The following RGPD1 variants were observed in gnomAD, a reference collection of about 807,000 sequenced individuals.
RGPD1 encodes RANBP2-like and GRIP domain-containing protein 1.
A neutral mutation model predicts 40.6 loss-of-function variants in RGPD1; 7 were observed. The observed-to-expected ratio is 0.17, with a 90% CI of 0.10 to 0.32. The LOEUF is 0.32. Ranked by LOEUF, RGPD1 falls within the 10% of genes least tolerant of loss-of-function variation. RGPD1 has a pLI of 1.00. For missense variants in RGPD1, 50 were observed against 472.5 expected (o/e 0.11, Z 8.29); for synonymous variants, 24 against 167.0 (o/e 0.14, Z 6.60).
Position 86,974,260 on chromosome 2 carries a change from CAA to C in RGPD1, c.1455+8_1455+9del. On this transcript the variant is annotated splice_region_variant and intron_variant, in intron 10 of 22. Transcript: ENST00000641458. ...TATGTATTTTAGATCTTGAAGTAAG[CAA>C]AGATTTTAACAAATTAAATATTCTG... 7.5e-7 allele frequency: 1 copy of C among 1,330,928 alleles called. No homozygotes were observed. The highest frequency in any genetic ancestry group is 1.0e-6 in the Non-Finnish European group (1 of 974,368). 82.4% of individuals were successfully genotyped at this position (1,330,928 alleles called of 1,614,324 possible).
At chr2:86,942,466 C>CCGGCCTCGACCTGGCCGAGCGGCGGCGG (rs1679900588) in intron 1 of RGPD1, among the ~76,000 whole-genome samples, 158 bp downstream of exon 1, 11 of 53,612 alleles carry the variant, frequency 2.1e-4, no homozygotes, top group Non-Finnish European at 8.9e-5. Context: ...TGTTGAGGCG[C>CCGGCCTCGACCTGGCCGAGCGGCGGCGG]CGGCCTCGAC....
chr2:86,933,140 TATA>T (rs1456898182), intron 1 of RGPD1, among the ~76,000 whole-genome samples: 1 of 149,554 alleles, frequency 6.7e-6, no homozygotes, highest in Non-Finnish European at 1.5e-5. Context: ...TATACACATA[TATA>T]ATATCTGGAG....
chr2:86,923,608 T>C (rs1335191975), intron 1 of RGPD1, among the ~76,000 whole-genome samples: 2 of 143,828 alleles, frequency 1.4e-5, no homozygotes, highest in African/African-American at 5.2e-5. Context: ...GGGTTGAAGC[T>C]ATTCTCCTGC....
intron 1 of RGPD1, among the ~76,000 whole-genome samples, chr2:86,915,406 TAA>T (rs1251677845): frequency 6.9e-6 from 1 of 145,296 alleles, no homozygotes; most frequent in Non-Finnish European, 1.5e-5. Context: ...CCTTGCCTTC[TAA>T]AAGGTATTTC....
rs1388072505 is a variant in RGPD1 at position 86,914,315 on chromosome 2, G to T, written c.72+394G>T. On this transcript the variant is annotated intron_variant, in intron 1 of 22. Transcript: ENST00000398193. ...GGCGGCGGCGGCGGCGGCGGCGGCGGCGGCCTCGGCCTGGCCGGGCGGCGG... is the reference window on the plus strand; with the variant it reads ...GGCGGCGGCGGCGGCGGCGGCGGCGTCGGCCTCGGCCTGGCCGGGCGGCGG... 1.3e-3 allele frequency among the ~76,000 whole-genome samples: 74 copies of T among 57,690 alleles called. 4 individuals are homozygous for T. The highest frequency in any genetic ancestry group is 1.8e-3 in the Non-Finnish European group (55 of 29,830). The allele number at this position is 57,690 out of a possible 152,430, so 37.8% of individuals were successfully genotyped here. A position where few individuals can be genotyped will look rare whatever the true frequency, so the allele number is the denominator to read the frequency against.
At chr2:86,943,520 T>A (rs1680084668) in intron 1 of RGPD1, among the ~76,000 whole-genome samples, 1 of 152,034 alleles carries the variant, frequency 6.6e-6, no homozygotes, top group African/African-American at 2.4e-5. Context: ...GAATCTTGAG[T>A]CAGTTTGCTT....
intron 1 of RGPD1, among the ~76,000 whole-genome samples, chr2:86,925,104 A>G (rs1246748730): frequency 7.9e-5 from 12 of 152,228 alleles, no homozygotes; most frequent in Non-Finnish European, 1.3e-4. Context: ...TCAAATCTTT[A>G]TCAACTTGTA....
intron 1 of RGPD1, among the ~76,000 whole-genome samples, chr2:86,942,906 C>T (rs192856615): frequency 2.0e-4 from 30 of 152,094 alleles, no homozygotes; most frequent in African/African-American, 6.7e-4. Context: ...GGTTTGTTCC[C>T]GACGGTGCTC....
At chr2:86,926,017 C>G (rs1179245592) in intron 1 of RGPD1, among the ~76,000 whole-genome samples, 1 of 152,216 alleles carries the variant, frequency 6.6e-6, no homozygotes, top group Non-Finnish European at 1.5e-5. Context: ...TATAAAAATA[C>G]TTGTAAATAA....
At chr2:86,944,965 C>T (rs1288650722) in intron 1 of RGPD1, among the ~76,000 whole-genome samples, 8 of 151,708 alleles carry the variant, frequency 5.3e-5, no homozygotes, top group South Asian at 4.2e-4. Flanking sequence ...GTGATCCTCT[C>T]GCCTTGGCCA....
chr2:87,008,937 C>T (rs1191954968), intron 22 of RGPD1, among the ~76,000 whole-genome samples: 3 of 136,232 alleles, frequency 2.2e-5, no homozygotes, highest in Non-Finnish European at 4.7e-5. Flanking sequence ...AAAAACAGAA[C>T]AAGAGTCAAG....
At chr2:86,923,191 A>AC (rs1236792439) in intron 1 of RGPD1, among the ~76,000 whole-genome samples, 1 of 149,762 alleles carries the variant, frequency 6.7e-6, no homozygotes, top group Non-Finnish European at 1.5e-5. Flanking sequence ...GGCGCCCGCC[A>AC]CCATGCCCGG....
intron 6 of RGPD1, among the ~76,000 whole-genome samples, chr2:86,960,612 C>T (rs1258935263): frequency 4.6e-5 from 6 of 129,882 alleles, no homozygotes; most frequent in East Asian, 2.0e-4. Context: ...TTTTTTGAGA[C>T]GGAGTCTCGC....
intron 1 of RGPD1, among the ~76,000 whole-genome samples, chr2:86,942,917 G>T (rs547028142): frequency 1.3e-5 from 2 of 151,998 alleles, no homozygotes; most frequent in Admixed American, 1.3e-4. Flanking sequence ...GACGGTGCTC[G>T]CTCGTGGGCC....
chr2:86,914,001 TCGGCCTCGGCCTGGCCGGGCGGCGG>T, intron 1 of RGPD1: 1 of 607,920 alleles, frequency 1.6e-6, no homozygotes, highest in South Asian at 6.3e-5. Flanking sequence ...GGCGGCGGCC[TCGGCCTCGGCCTGGCCGGGCGGCGG>T]CGGCGGCGGC....
rs1364131416 is a variant in RGPD1, at chr2:86,988,422, CTGAG to C, written c.4900+628_4900+631del. ...GTCATGCCACTGCACTCCAGCCTGA[CTGAG>C]TGAGACTTTGTCTCCAAAAAAAAAA... is the stretch of plus-strand genomic sequence containing the variant. On this transcript the variant is annotated intron_variant, in intron 20 of 22. Coordinates refer to ENST00000641458, the MANE Select transcript of RGPD1 (RefSeq NM_001382344.1). Among the ~76,000 whole-genome samples, 17 of 89,566 alleles carry C rather than the reference CTGAG, an allele frequency of 1.9e-4. 2 individuals carry two copies. The South Asian group carries it at 2.8e-3, about 15-fold the overall frequency. The allele number at this position is 89,566 out of a possible 152,430, so 58.8% of individuals were successfully genotyped here. A position where few individuals can be genotyped will look rare whatever the true frequency, so the allele number is the denominator to read the frequency against.
At chr2:86,939,646 T>C (rs1417704715), upstream of RGPD1, among the ~76,000 whole-genome samples, 1 of 137,562 alleles carries the variant, frequency 7.3e-6, no homozygotes, top group Non-Finnish European at 1.6e-5. Context: ...TTTCAACATA[T>C]TCAGCATAAA....
upstream of RGPD1, chr2:86,913,682 G>T: frequency 7.6e-7 from 1 of 1,318,140 alleles, no homozygotes; most frequent in Non-Finnish European, 1.0e-6. Context: ...TGCAGCTGGA[G>T]CGCCGACGTC....
rs186385215 is a variant in RGPD1 at position 86,936,874 on chromosome 2, C to T, written c.73-14422C>T. ...TTTATTTTATTTTTTCTGCTTTTGT[C>T]ACAAAAGCACAGACATTGCTTAACA... On this transcript the variant is annotated intron_variant, in intron 1 of 22. Coordinates refer to the RGPD1 transcript ENST00000398193. Among the ~76,000 whole-genome samples the T allele has an allele frequency of 8.4e-5, 12 of 143,260 alleles. No homozygotes were observed. In the East Asian group the frequency reaches 2.4e-3, roughly 28 times the overall value. The allele number at this position is 143,260 out of a possible 152,430, so 94.0% of individuals were successfully genotyped here.
Sources: allele counts gnomAD v4.1 joint callset (sites outside exome capture counted in the v4.1 genomes callset), GRCh38; gene constraint gnomAD v4.1.1; transcripts MANE v1.5; gene names NCBI Gene and HGNC (gene_info 2026-07-23, HGNC 2026-07-21).